MEIS2: variants seen among roughly 807,000 people sequenced by gnomAD.
MEIS2 encodes the protein Meis homeobox 2.
In MEIS2, 9 loss-of-function variants were observed where a neutral mutation model predicts 58.6. That is an observed-to-expected ratio of 0.15 (90% CI 0.09 to 0.27). The LOEUF is 0.27. MEIS2 is among the 10% of genes least tolerant of loss of function. The pLI, the probability that MEIS2 is intolerant of heterozygous loss-of-function variation, is 1.00. For missense variants in MEIS2, 427 were observed against 635.0 expected, an observed-to-expected ratio of 0.67 and a Z score of 3.52; for synonymous variants, 221 against 228.4, an observed-to-expected ratio of 0.97 and a Z score of 0.29.
At chr15:37,100,716 T>C (rs1447578703), upstream of MEIS2, among the ~76,000 whole-genome samples, 1 of 149,174 alleles carries the variant, frequency 6.7e-6, no homozygotes, top group Non-Finnish European at 1.5e-5. Context: ...TGAGTGTGTG[T>C]GTATGTGTGT....
intron 8 of MEIS2, among the ~76,000 whole-genome samples, chr15:36,955,948 T>C (rs1480843213): frequency 7.7e-6 from 1 of 130,594 alleles, no homozygotes; most frequent in African/African-American, 3.0e-5. Flanking sequence ...GAGGCTGAGG[T>C]GGGTGGATTA....
intron 9 of MEIS2, among the ~76,000 whole-genome samples, chr15:36,916,970 G>A (rs929076129): frequency 3.3e-5 from 5 of 152,130 alleles, no homozygotes; most frequent in African/African-American, 1.2e-4. Flanking sequence ...TTAGTAAGTG[G>A]CAGAAGTGGC....
At chr15:36,925,031 C>T (rs1047997701) in intron 9 of MEIS2, among the ~76,000 whole-genome samples, 1 of 152,140 alleles carries the variant, frequency 6.6e-6, no homozygotes, top group Non-Finnish European at 1.5e-5. Flanking sequence ...ACACTCACCT[C>T]GGGACGCCTT....
intron 7 of MEIS2, among the ~76,000 whole-genome samples, chr15:37,061,114 A>T (rs1295776663): frequency 6.6e-6 from 1 of 152,170 alleles, no homozygotes; most frequent in Non-Finnish European, 1.5e-5. Flanking sequence ...TGCATTTTTC[A>T]TCCTGTGGTA....
chr15:36,953,888 T>C (rs1252741952), intron 8 of MEIS2, among the ~76,000 whole-genome samples: 2 of 152,206 alleles, frequency 1.3e-5, no homozygotes, highest in Non-Finnish European at 2.9e-5. Flanking sequence ...TGGAAATAGA[T>C]CTACAATATC....
intron 8 of MEIS2, among the ~76,000 whole-genome samples, chr15:36,959,462 AG>A (rs2059106117): frequency 6.6e-6 from 1 of 152,196 alleles, no homozygotes; most frequent in Admixed American, 6.5e-5. Flanking sequence ...CTGGCATTTA[AG>A]AGGTAACCAA....
chr15:36,932,711 A>G (rs967087991), intron 9 of MEIS2, among the ~76,000 whole-genome samples: 2 of 152,072 alleles, frequency 1.3e-5, no homozygotes, highest in African/African-American at 2.4e-5. Context: ...CTATATGTAC[A>G]TATTCCTCTG....
At chr15:37,066,038 C>T (rs902226489) in intron 7 of MEIS2, among the ~76,000 whole-genome samples, 1 of 152,146 alleles carries the variant, frequency 6.6e-6, no homozygotes, top group Non-Finnish European at 1.5e-5. Flanking sequence ...TATTCTTTGC[C>T]ATTTCTAAGA....
At chr15:37,090,469 T>C (rs1014263668) in intron 6 of MEIS2, among the ~76,000 whole-genome samples, 3 of 152,194 alleles carry the variant, frequency 2.0e-5, no homozygotes, top group Non-Finnish European at 4.4e-5. Context: ...CAGGATTTAC[T>C]AATAATATAT....
At chr15:37,008,879 A>C (rs555472120) in intron 8 of MEIS2, among the ~76,000 whole-genome samples, 26 of 152,330 alleles carry the variant, frequency 1.7e-4, no homozygotes, top group African/African-American at 6.0e-4. Flanking sequence ...GCTGAGAATA[A>C]AGCAGAATGG....
intron 8 of MEIS2, among the ~76,000 whole-genome samples, chr15:36,999,058 TC>T (rs1270905900): frequency 1.3e-5 from 2 of 152,230 alleles, no homozygotes; most frequent in African/African-American, 4.8e-5. Flanking sequence ...CTCAATCAAT[TC>T]ATCATTTTGA....
intron 8 of MEIS2, among the ~76,000 whole-genome samples, chr15:37,021,923 A>G (rs1007942081): frequency 6.6e-5 from 10 of 152,142 alleles, no homozygotes; most frequent in African/African-American, 2.4e-4. Flanking sequence ...CAACACATAG[A>G]GATTTCCCCT....
intron 9 of MEIS2, among the ~76,000 whole-genome samples, chr15:36,902,041 A>C (rs1441535428): frequency 6.6e-6 from 1 of 152,006 alleles, no homozygotes; most frequent in African/African-American, 2.4e-5. Context: ...CCCAAGCTTC[A>C]CTCTGTTTCC....
At chr15:37,077,044 G>A (rs940846588) in intron 7 of MEIS2, among the ~76,000 whole-genome samples, 1 of 152,054 alleles carries the variant, frequency 6.6e-6, no homozygotes, top group Middle Eastern at 3.4e-3. Flanking sequence ...TAACTCAGTC[G>A]TGAAATGATT....
At chr15:36,958,784 T>C (rs578106652) in intron 8 of MEIS2, among the ~76,000 whole-genome samples, 1 of 152,300 alleles carries the variant, frequency 6.6e-6, no homozygotes, top group South Asian at 2.1e-4. Flanking sequence ...ACATGGCTAA[T>C]GGGTAATCTT....
chr15:36,946,518 T>C (rs553598692), intron 9 of MEIS2, among the ~76,000 whole-genome samples: 18 of 152,076 alleles, frequency 1.2e-4, no homozygotes, highest in Admixed American at 8.5e-4. Flanking sequence ...ACTAAATTTT[T>C]CCCCCTTAAA....
intron 5 of MEIS2, 171 bp from the exon 6 acceptor site, chr15:37,093,901 AAC>A: frequency 1.4e-6 from 1 of 737,774 alleles, no homozygotes; most frequent in Non-Finnish European, 2.2e-6. Context: ...AAGGCAAGGA[AAC>A]AATAGAGTAA....
At chr15:37,037,082 C>T in intron 7 of MEIS2, 123 bp from the exon 8 acceptor site, 2 of 946,504 alleles carry the variant, frequency 2.1e-6, no homozygotes, top group Non-Finnish European at 3.0e-6. Flanking sequence ...TATTCTCTTT[C>T]ATTAAAGTAT....
chr15:36,932,288 T>C (rs2058011407), intron 9 of MEIS2, among the ~76,000 whole-genome samples: 1 of 152,164 alleles, frequency 6.6e-6, no homozygotes, highest in South Asian at 2.1e-4. Flanking sequence ...GATCACAGCG[T>C]TGTCTGTGCA....
Sources: allele counts gnomAD v4.1 joint callset (sites outside exome capture counted in the v4.1 genomes callset), GRCh38; gene constraint gnomAD v4.1.1; transcripts MANE v1.5; gene names NCBI Gene and HGNC (gene_info 2026-07-23, HGNC 2026-07-21).